KCNMB2: variants seen among roughly 807,000 people sequenced by gnomAD.
KCNMB2 encodes the protein calcium-activated potassium channel subunit beta-2.
Under a neutral mutation model 24.5 loss-of-function variants are expected in KCNMB2, and 9 were observed. The observed-to-expected ratio is 0.37, with a 90% confidence interval of 0.22 to 0.64. The LOEUF (loss-of-function observed/expected upper bound fraction) is 0.64. KCNMB2 is among the 30% of genes least tolerant of loss of function. The pLI, the probability that KCNMB2 is intolerant of heterozygous loss-of-function variation, is 0.63. For missense variants in KCNMB2, 226 were observed against 284.3 expected (o/e 0.79, Z 1.47); for synonymous variants, 109 against 104.4 (o/e 1.04, Z -0.27).
At chr3:178,632,437 G>A (rs564679655) in intron 1 of KCNMB2, among the ~76,000 whole-genome samples, 58 of 152,274 alleles carry the variant, frequency 3.8e-4, no homozygotes, top group African/African-American at 1.3e-3. Context: ...ACTTACAATC[G>A]TGGCAGAGGG....
Position 178,675,019 on chromosome 3 carries a change from T to A in KCNMB2, c.-67-132324T>A, listed in dbSNP as rs188984505. Among the ~76,000 whole-genome samples, 585 of 152,336 alleles carry A rather than the reference T, an allele frequency of 3.8e-3. 1 individual carries two copies. Among genetic ancestry groups the A allele is most frequent in the Non-Finnish European group, 3.6e-3 (244 of 68,036 alleles). On this transcript the variant is annotated intron_variant, in intron 1 of 4. Coordinates refer to ENST00000452583, the MANE Select transcript of KCNMB2 (RefSeq NM_181361.3). ...ACTTCCTATTATGTCCTCTGCTAAT[T>A]GTTAAAATAGACGGCAAGCTTCACA...
intron 1 of KCNMB2, among the ~76,000 whole-genome samples, chr3:178,721,192 T>C (rs551574127): frequency 1.3e-5 from 2 of 152,358 alleles, no homozygotes; most frequent in East Asian, 1.9e-4. Context: ...TTTCCACATA[T>C]GGCTAGCCAG....
At chr3:178,695,665 T>A (rs893642846) in intron 1 of KCNMB2, among the ~76,000 whole-genome samples, 5 of 152,176 alleles carry the variant, frequency 3.3e-5, no homozygotes, top group African/African-American at 1.2e-4. Context: ...AACAAGTTCC[T>A]CATCTCCATC....
chr3:178,784,722 T>TA (rs1713026333), intron 1 of KCNMB2, among the ~76,000 whole-genome samples: 1 of 151,912 alleles, frequency 6.6e-6, no homozygotes, highest in Non-Finnish European at 1.5e-5. Context: ...CTGATTTTTT[T>TA]AAATACATCT....
At chr3:178,704,950 C>T (rs1432939230) in intron 1 of KCNMB2, among the ~76,000 whole-genome samples, 1 of 152,090 alleles carries the variant, frequency 6.6e-6, no homozygotes, top group Non-Finnish European at 1.5e-5. Flanking sequence ...TCTATTTCTA[C>T]TTCTCTAGGT....
At chr3:178,567,741 G>A (rs190280482) in intron 1 of KCNMB2, among the ~76,000 whole-genome samples, 4 of 152,210 alleles carry the variant, frequency 2.6e-5, no homozygotes, top group East Asian at 1.9e-4. Flanking sequence ...TAATCTTTGC[G>A]AAACACACAC....
chr3:178,760,289 G>GAT (rs1424172090), intron 1 of KCNMB2, among the ~76,000 whole-genome samples: 2 of 54,360 alleles, frequency 3.7e-5, no homozygotes, highest in African/African-American at 5.4e-5. Flanking sequence ...TCTATATATA[G>GAT]ATATATCCAA....
At chr3:178,706,057 T>A (rs1194220147) in intron 1 of KCNMB2, among the ~76,000 whole-genome samples, 3 of 152,060 alleles carry the variant, frequency 2.0e-5, no homozygotes, top group African/African-American at 7.2e-5. Flanking sequence ...TTTTGTCTTG[T>A]CGGAGCTCAC....
chr3:178,771,079 C>T (rs980987536), intron 1 of KCNMB2, among the ~76,000 whole-genome samples: 2 of 152,098 alleles, frequency 1.3e-5, no homozygotes, highest in Non-Finnish European at 2.9e-5. Context: ...CTGGTTTACC[C>T]GATAACACCA....
chr3:178,748,065 T>C (rs1416269973), intron 1 of KCNMB2, among the ~76,000 whole-genome samples: 2 of 152,216 alleles, frequency 1.3e-5, no homozygotes, highest in South Asian at 2.1e-4. Flanking sequence ...TCACCAAAGA[T>C]AGGACTTCAA....
At chr3:178,542,029 A>T (rs1011737580) in intron 1 of KCNMB2, among the ~76,000 whole-genome samples, 8 of 152,106 alleles carry the variant, frequency 5.3e-5, no homozygotes, top group African/African-American at 1.9e-4. Context: ...AACCCCACCC[A>T]ATAGGGGAAC....
intron 1 of KCNMB2, among the ~76,000 whole-genome samples, chr3:178,539,563 C>A (rs1297803717): frequency 1.3e-5 from 2 of 152,098 alleles, no homozygotes; most frequent in Admixed American, 1.3e-4. Context: ...ATTCCAAAGT[C>A]ATTTGCTTGT....
At chr3:178,668,095 T>C (rs1474274536) in intron 1 of KCNMB2, among the ~76,000 whole-genome samples, 1 of 152,188 alleles carries the variant, frequency 6.6e-6, no homozygotes, top group East Asian at 1.9e-4. Flanking sequence ...AAGATCCTTC[T>C]TTGAATTTGC....
chr3:178,674,476 T>C (rs938843672), intron 1 of KCNMB2, among the ~76,000 whole-genome samples: 1 of 152,176 alleles, frequency 6.6e-6, no homozygotes, highest in African/African-American at 2.4e-5. Flanking sequence ...CTCCTCTCTC[T>C]CTCATTCCCT....
chr3:178,835,973 T>G (rs889525052), intron 4 of KCNMB2, among the ~76,000 whole-genome samples: 1 of 152,132 alleles, frequency 6.6e-6, no homozygotes, highest in African/African-American at 2.4e-5. Context: ...TCGCACGGAT[T>G]TTATCAAATT....
intron 1 of KCNMB2, among the ~76,000 whole-genome samples, chr3:178,674,170 T>C (rs992955852): frequency 1.3e-5 from 2 of 152,048 alleles, no homozygotes; most frequent in Admixed American, 1.3e-4. Flanking sequence ...TCTGTTTTAC[T>C]CCTCATCTCT....
chr3:178,738,317 T>A (rs956494051), intron 1 of KCNMB2, among the ~76,000 whole-genome samples: 4 of 152,218 alleles, frequency 2.6e-5, no homozygotes, highest in African/African-American at 4.8e-5. Context: ...TGTGCTCATC[T>A]ATTGGGCCCT....
At chr3:178,641,068 TTACCAATAC>T (rs557665855) in intron 1 of KCNMB2, among the ~76,000 whole-genome samples, 6 of 152,310 alleles carry the variant, frequency 3.9e-5, no homozygotes, top group African/African-American at 1.2e-4. Context: ...GTCTATTAAT[TTACCAATAC>T]TACACTGTCA....
At chr3:178,644,607 A>G (rs1348521456) in intron 1 of KCNMB2, among the ~76,000 whole-genome samples, 1 of 152,202 alleles carries the variant, frequency 6.6e-6, no homozygotes. Flanking sequence ...GTGTTCACAG[A>G]TTGTCCTTAA....
Sources: gnomAD v4.1 joint callset for allele counts (sites outside exome capture counted in the v4.1 genomes callset) on GRCh38, gnomAD v4.1.1 for gene constraint, MANE v1.5 for transcripts, NCBI Gene and HGNC (gene_info 2026-07-23, HGNC 2026-07-21) for gene names.